TMEM131: variants seen among roughly 807,000 people sequenced by gnomAD.
TMEM131 encodes 2610524E03Rik.
Under a neutral mutation model 211.6 loss-of-function variants are expected in TMEM131, and 66 were observed. The observed-to-expected ratio is 0.31, with a 90% confidence interval of 0.26 to 0.38. TMEM131 has a LOEUF of 0.38. Among genes scored for constraint, TMEM131 ranks in the 10% least tolerant of loss-of-function variants. The probability of loss-of-function intolerance (pLI) is 1.00; values close to 1 mark genes in which losing one functional copy is unlikely to be tolerated. For synonymous variants in TMEM131, 844 were observed against 841.3 expected (o/e 1.00, Z -0.06); for missense variants, 2,036 against 2,299.3 (o/e 0.89, Z 2.34).
intron 29 of TMEM131, 103 bp downstream of exon 29, chr2:97,794,827 C>T: frequency 1.1e-6 from 1 of 941,724 alleles, no homozygotes; most frequent in Non-Finnish European, 1.5e-6. Flanking sequence ...GTCTTGTTTG[C>T]TGGCATATCC....
intron 7 of TMEM131, among the ~76,000 whole-genome samples, chr2:97,841,561 C>T (rs950320054): frequency 1.9e-4 from 29 of 152,326 alleles, no homozygotes; most frequent in African/African-American, 7.0e-4. Context: ...TAAACTATAA[C>T]ACCAGAGAAG....
At chr2:97,801,839 T>C in intron 25 of TMEM131, 56 bp downstream of exon 25, 2 of 1,315,108 alleles carry the variant, frequency 1.5e-6, no homozygotes, top group Non-Finnish European at 2.1e-6. Context: ...TTCATATTTA[T>C]ATTGATCATA....
intron 4 of TMEM131, among the ~76,000 whole-genome samples, chr2:97,863,171 G>A (rs1398305120): frequency 1.3e-5 from 2 of 152,058 alleles, no homozygotes; most frequent in Admixed American, 6.5e-5. Flanking sequence ...CCTTTCCAGC[G>A]AAAATATCCT....
At chr2:97,841,680 G>C in intron 7 of TMEM131, 135 bp downstream of exon 7, 1 of 943,166 alleles carries the variant, frequency 1.1e-6, no homozygotes, top group Non-Finnish European at 1.4e-6. Context: ...TGTACTAAAA[G>C]TAATACCCCT....
chr2:97,944,717 G>A (rs998298155), intron 1 of TMEM131, among the ~76,000 whole-genome samples: 6 of 152,004 alleles, frequency 3.9e-5, no homozygotes, highest in East Asian at 1.9e-4. Flanking sequence ...ACGAAAAGAC[G>A]CTCAAAACCA....
At chr2:97,820,469 C>T (rs1297325602) in intron 11 of TMEM131, among the ~76,000 whole-genome samples, 1 of 152,070 alleles carries the variant, frequency 6.6e-6, no homozygotes, top group Admixed American at 6.5e-5. Flanking sequence ...TGTGACAATC[C>T]AGTGGCATCA....
At chr2:97,872,640 G>C (rs1282821342) in intron 4 of TMEM131, among the ~76,000 whole-genome samples, 1 of 152,184 alleles carries the variant, frequency 6.6e-6, no homozygotes, top group Non-Finnish European at 1.5e-5. Context: ...TGAAGCACAA[G>C]GGGTCAGGGA....
intron 32 of TMEM131, among the ~76,000 whole-genome samples, chr2:97,772,892 T>C (rs1679534575): frequency 6.6e-6 from 1 of 152,232 alleles, no homozygotes; most frequent in African/African-American, 2.4e-5. Flanking sequence ...CGAGACGCCA[T>C]CTCAAAAAAT....
At chr2:97,883,079 G>C (rs993159337) in intron 4 of TMEM131, among the ~76,000 whole-genome samples, 2 of 152,100 alleles carry the variant, frequency 1.3e-5, no homozygotes, top group African/African-American at 4.8e-5. Context: ...ATGGCAGAAA[G>C]GGGACAGTAG....
intron 1 of TMEM131, among the ~76,000 whole-genome samples, chr2:97,930,931 T>C (rs1005923006): frequency 3.1e-5 from 4 of 128,312 alleles, no homozygotes; most frequent in African/African-American, 1.3e-4. Context: ...AAACTAACCC[T>C]ATGACACAGA....
chr2:97,915,909 G>A (rs1448559786), intron 2 of TMEM131, among the ~76,000 whole-genome samples: 1 of 151,862 alleles, frequency 6.6e-6, no homozygotes. Context: ...TAGTTTTTAA[G>A]GCTGTTTCTT....
intron 5 of TMEM131, among the ~76,000 whole-genome samples, chr2:97,850,946 A>G (rs1673600072): frequency 6.6e-6 from 1 of 152,080 alleles, no homozygotes; most frequent in East Asian, 1.9e-4. Context: ...AAAGAGTTAG[A>G]AAAATCACCA....
rs955036266 is a variant in TMEM131 at position 97,814,231 on chromosome 2, A to C, written c.1446+4T>G. The C allele has an allele frequency of 6.2e-7, 1 of 1,613,448 alleles. No homozygotes were observed. Among genetic ancestry groups the C allele is most frequent in the East Asian group, 2.2e-5 (1 of 44,854 alleles). On this transcript the variant is annotated splice_donor_region_variant and intron_variant, in intron 14 of 40. Coordinates refer to ENST00000186436, the MANE Select transcript of TMEM131 (RefSeq NM_015348.2). The stretch of plus-strand genomic sequence containing the variant: ...ATTAAAAGTATGAGGGCTCCTGGAC[A>C]TACTTTAAACATTGTTTTGGCTTCT...
chr2:97,839,252 G>A (rs931067464), intron 7 of TMEM131, among the ~76,000 whole-genome samples: 2 of 152,074 alleles, frequency 1.3e-5, no homozygotes, highest in Non-Finnish European at 2.9e-5. Context: ...GGTTGAGCCT[G>A]GGAGGTCAAG....
At chr2:97,845,453 A>T (rs1573450723) in intron 5 of TMEM131, among the ~76,000 whole-genome samples, 1 of 152,304 alleles carries the variant, frequency 6.6e-6, no homozygotes, top group Middle Eastern at 3.4e-3. Context: ...ACCCTCAAAA[A>T]GTCTGAAATT....
intron 1 of TMEM131, among the ~76,000 whole-genome samples, chr2:97,938,741 C>T (rs1677568967): frequency 6.6e-6 from 1 of 152,218 alleles, no homozygotes; most frequent in African/African-American, 2.4e-5. Flanking sequence ...CTCAGCACCA[C>T]ATCGCACTTA....
rs77383125 is a variant in TMEM131 at position 97,861,280 on chromosome 2, T to C, written c.360-1853A>G. Among the ~76,000 whole-genome samples the C allele has an allele frequency of 3.1e-3, 474 of 151,914 alleles. 5 individuals carry two copies. The East Asian group carries it at 0.039, about 13-fold the overall frequency. On this transcript the variant is annotated intron_variant, in intron 4 of 40. Coordinates refer to ENST00000186436, the MANE Select transcript of TMEM131 (RefSeq NM_015348.2). Reference sequence around the variant, plus strand: ...TAGACTTGGGGGGCATGCAACCTACTGAGACATGAGCTGGGGTGCCCAAGG... The same window carrying C: ...TAGACTTGGGGGGCATGCAACCTACCGAGACATGAGCTGGGGTGCCCAAGG...
At chr2:97,861,608 G>C (rs1674071310) in intron 4 of TMEM131, among the ~76,000 whole-genome samples, 1 of 151,966 alleles carries the variant, frequency 6.6e-6, no homozygotes, top group African/African-American at 2.4e-5. Context: ...TGTGGTGGTG[G>C]TGGCCATGGG....
chr2:97,923,004 T>C (rs1676810311), intron 2 of TMEM131, among the ~76,000 whole-genome samples: 1 of 152,170 alleles, frequency 6.6e-6, no homozygotes, highest in Non-Finnish European at 1.5e-5. Flanking sequence ...AAAACATGGC[T>C]TTTGCCAGGC....
Sources: gnomAD v4.1 joint callset for allele counts (sites outside exome capture counted in the v4.1 genomes callset) on GRCh38, gnomAD v4.1.1 for gene constraint, MANE v1.5 for transcripts, NCBI Gene and HGNC (gene_info 2026-07-23, HGNC 2026-07-21) for gene names.